AFF2: variants seen among roughly 807,000 people sequenced by gnomAD.
AFF2 encodes AF4/FMR2 family member 2.
In AFF2, 14 loss-of-function variants were observed where a neutral mutation model predicts 76.9. The observed-to-expected ratio is 0.18, with a 90% CI of 0.12 to 0.28. The LOEUF (loss-of-function observed/expected upper bound fraction) is 0.28, where lower values mean the gene tolerates loss of function less well. AFF2 is among the 10% of genes least tolerant of loss of function. AFF2 has a pLI of 1.00. For missense variants in AFF2, 868 were observed against 1,001.1 expected (o/e 0.87, Z 1.79); for synonymous variants, 398 against 366.7 (o/e 1.09, Z -0.98).
intron 1 of AFF2, among the ~76,000 whole-genome samples, chrX:148,636,056 A>G (rs1350530391): frequency 9.0e-6 from 1 of 110,927 alleles, no homozygotes; most frequent in Non-Finnish European, 1.9e-5. Flanking sequence ...TACTCCCAGC[A>G]TATATATCAG....
chrX:148,587,463 A>G (rs782083388), intron 1 of AFF2, among the ~76,000 whole-genome samples: 6 of 112,217 alleles, frequency 5.3e-5, no homozygotes, highest in Non-Finnish European at 9.4e-5. Flanking sequence ...ATATGTAATA[A>G]ATTGCATAAT....
chrX:148,983,965 A>AAAAAAAAAAAAAAAAAAAAAC (rs1438744109), intron 19 of AFF2, among the ~76,000 whole-genome samples: 3 of 99,790 alleles, frequency 3.0e-5, no homozygotes, highest in African/African-American at 7.7e-5. Flanking sequence ...AAAAAAAAAA[A>AAAAAAAAAAAAAAAAAAAAAC]AAACTGCCCT....
chrX:148,581,249 CAT>C (rs1461068490), intron 1 of AFF2, among the ~76,000 whole-genome samples: 1 of 2,783 alleles, frequency 3.6e-4, no homozygotes, highest in Non-Finnish European at 9.1e-4. Context: ...CGTGTACACA[CAT>C]ATACGTATAC....
chrX:148,638,135 A>T (rs1603264948), intron 1 of AFF2, among the ~76,000 whole-genome samples: 2 of 111,845 alleles, frequency 1.8e-5, no homozygotes, highest in South Asian at 3.8e-4. Flanking sequence ...AATAATGATA[A>T]CCCATTGTAT....
intron 1 of AFF2, among the ~76,000 whole-genome samples, chrX:148,646,163 T>C: frequency 9.4e-6 from 1 of 106,864 alleles, no homozygotes; most frequent in Non-Finnish European, 1.9e-5. Flanking sequence ...GGATGATACC[T>C]AAAAGTGTAC....
At chrX:148,952,514 G>A (rs73614037) in intron 9 of AFF2, among the ~76,000 whole-genome samples, 4,101 of 111,493 alleles carry the variant, frequency 0.037, 184 homozygotes, top group African/African-American at 0.12. Flanking sequence ...TGAAGACACA[G>A]AGGGAGATTA....
chrX:148,563,729 G>T (rs1332186500), intron 1 of AFF2, among the ~76,000 whole-genome samples: 1 of 112,024 alleles, frequency 8.9e-6, no homozygotes, highest in Non-Finnish European at 1.9e-5. Flanking sequence ...GTACTCAAAT[G>T]GTTGTCTTTT....
intron 9 of AFF2, among the ~76,000 whole-genome samples, chrX:148,911,631 C>T (rs2071469996): frequency 8.9e-6 from 1 of 112,242 alleles, no homozygotes; most frequent in Non-Finnish European, 1.9e-5. Context: ...ATGTGTTTGA[C>T]CAGAGGATAT....
intron 5 of AFF2, among the ~76,000 whole-genome samples, chrX:148,840,191 A>G (rs1170318795): frequency 9.0e-6 from 1 of 111,355 alleles, no homozygotes; most frequent in Non-Finnish European, 1.9e-5. Flanking sequence ...GGAGGTAAAC[A>G]TCCTCTAGAA....
At chrX:148,581,281 TATATAC>T (rs2053383634) in intron 1 of AFF2, among the ~76,000 whole-genome samples, 1 of 229 alleles carries the variant, frequency 4.4e-3, no homozygotes, top group Non-Finnish European at 0.018. Flanking sequence ...CATATACACG[TATATAC>T]GTATACGTGT....
intron 1 of AFF2, among the ~76,000 whole-genome samples, chrX:148,629,667 CT>C (rs2053961160): frequency 9.0e-6 from 1 of 111,667 alleles, no homozygotes; most frequent in African/African-American, 3.3e-5. Context: ...CACAAGGAAG[CT>C]TTTTATAGAA....
chrX:148,849,361 TCTCCTCCCCCCC>T (rs2070704931), intron 7 of AFF2, among the ~76,000 whole-genome samples: 8 of 20,493 alleles, frequency 3.9e-4, no homozygotes, highest in African/African-American at 3.1e-3. Context: ...TGTCTCTCTC[TCTCCTCCCCCCC>T]CCCCCCCCCC....
chrX:148,801,198 G>GTTAA (rs1353958857), intron 3 of AFF2, among the ~76,000 whole-genome samples: 3 of 112,008 alleles, frequency 2.7e-5, no homozygotes, highest in African/African-American at 6.5e-5. Flanking sequence ...GTGAACTATG[G>GTTAA]TTAATTAATC....
At chrX:148,537,751 G>C (rs12834456) in intron 1 of AFF2, among the ~76,000 whole-genome samples, 1,108 of 110,720 alleles carry the variant, frequency 0.01, 6 homozygotes, top group Non-Finnish European at 0.016. Flanking sequence ...GAGCTGCTTC[G>C]TTTTGGGAGG....
intron 3 of AFF2, among the ~76,000 whole-genome samples, chrX:148,774,071 C>T (rs1388188561): frequency 9.0e-6 from 1 of 111,591 alleles, no homozygotes; most frequent in Non-Finnish European, 1.9e-5. Flanking sequence ...AGCACATACT[C>T]ATCAGAAATG....
Position 148,603,524 on chromosome X carries a change from C to G in AFF2, c.48-48475C>G, listed in dbSNP as rs374496513. Among the ~76,000 whole-genome samples the G allele has an allele frequency of 2.8e-5, 3 of 107,950 alleles. No individual in the cohort carries two copies. The South Asian group carries it at 1.2e-3, about 43-fold the overall frequency. 93.7% of individuals were successfully genotyped at this position (107,950 alleles called of 115,157 possible). A position where few individuals can be genotyped will look rare whatever the true frequency, so the allele number is the denominator to read the frequency against. On this transcript the variant is annotated intron_variant, in intron 1 of 20. Transcript: ENST00000370460. ...GATGCCAGTCTAATTCTTTTGTGTT[C>G]TGTAGCTTATTTTTATTTTAGGGGG...
rs782383283 is a variant in AFF2, at chrX:148,956,478, T to C, written c.2433T>C (p.Ser811=). The part of the protein sequence containing the change: ...LWVKIDLDLL[S]RVPGHSSLHA... ...TGAAGATTGACCTTGACTTACTCTC[T>C]AGAGTACCTGGCCACAGCTCACTCC... The change falls in exon 11 of 21, where the codon TCT becomes TCC. Residue 811 remains serine, a synonymous_variant. Transcript: ENST00000370460. 5 of 1,210,044 alleles carry C rather than the reference T, an allele frequency of 4.1e-6. No homozygotes were observed. In the East Asian group the frequency reaches 1.2e-4, roughly 29 times the overall value.
Position 148,500,646 on chromosome X carries a change from CG to C in AFF2, c.-451del, listed in dbSNP as rs2052329082. 3.4e-5 allele frequency: 3 copies of C among 87,348 alleles called. No homozygotes were observed. Among genetic ancestry groups the C allele is most frequent in the Non-Finnish European group, 6.8e-5 (3 of 43,922 alleles). The allele number at this position is 87,348 out of a possible 1,213,427, so 7.2% of individuals were successfully genotyped here. On this transcript the variant is annotated 5_prime_UTR_variant, in exon 1 of 21. Transcript: ENST00000370460. Reference sequence around the variant, plus strand: ...CCGCCTGTGCAGCCGCTGCCGCCGCCGCCGCCGCCGCCGCCGCCGCCGCCGC... The same window carrying C: ...CCGCCTGTGCAGCCGCTGCCGCCGCCCCGCCGCCGCCGCCGCCGCCGCCGC...
chrX:148,824,163 G>C lies in AFF2; in HGVS notation c.1087-13484G>C, dbSNP rs931367351. Among the ~76,000 whole-genome samples, 10 of 108,781 alleles carry C rather than the reference G, an allele frequency of 9.2e-5. No individual in the cohort carries two copies. The South Asian group carries it at 2.4e-3, about 26-fold the overall frequency. The allele number at this position is 108,781 out of a possible 115,157, so 94.5% of individuals were successfully genotyped here. On this transcript the variant is annotated intron_variant, in intron 4 of 20. Transcript: ENST00000370460. Reference sequence around the variant, plus strand: ...ATCCACCTAAGGTGCATCATTAAAGGAAGTACCACAGCAGCACTTGGACAG... The same window carrying C: ...ATCCACCTAAGGTGCATCATTAAAGCAAGTACCACAGCAGCACTTGGACAG...
Sources: gnomAD v4.1 joint callset for allele counts (sites outside exome capture counted in the v4.1 genomes callset) on GRCh38, gnomAD v4.1.1 for gene constraint, MANE v1.5 for transcripts, NCBI Gene and HGNC (gene_info 2026-07-23, HGNC 2026-07-21) for gene names.